Variants in RAB11FIP3 observed in about 807,000 individuals in gnomAD.
RAB11FIP3 encodes RAB11 family interacting protein 3, also known as rab11 family-interacting protein 3.
A neutral mutation model predicts 77.8 loss-of-function variants in RAB11FIP3; 17 were observed. The ratio of observed to expected loss-of-function variants is 0.22; its 90% CI spans 0.15 to 0.33. The LOEUF is 0.33. Ranked by LOEUF, RAB11FIP3 falls within the 10% of genes least tolerant of loss-of-function variation. The pLI, the probability that RAB11FIP3 is intolerant of heterozygous loss-of-function variation, is 1.00. For missense variants in RAB11FIP3, 1,005 were observed against 1,011.2 expected (o/e 0.99, Z 0.08); for synonymous variants, 437 against 448.2 (o/e 0.98, Z 0.31).
intron 5 of RAB11FIP3, among the ~76,000 whole-genome samples, chr16:493,022 A>G (rs1303713144): frequency 1.3e-5 from 2 of 152,150 alleles, no homozygotes; most frequent in African/African-American, 2.4e-5. Flanking sequence ...CTGAGGAGGC[A>G]GGCAGATCAC....
intron 9 of RAB11FIP3, among the ~76,000 whole-genome samples, chr16:511,136 C>T (rs2032134970): frequency 9.4e-6 from 1 of 106,496 alleles, no homozygotes; most frequent in Admixed American, 8.8e-5. Flanking sequence ...AACCTGCAGG[C>T]CAGGTAGGAG....
intron 5 of RAB11FIP3, among the ~76,000 whole-genome samples, chr16:489,513 TG>T (rs1198179252): frequency 6.6e-6 from 1 of 152,096 alleles, no homozygotes; most frequent in Admixed American, 6.5e-5. Flanking sequence ...GATCCGAACA[TG>T]GGGGTCTGGG....
chr16:489,204 C>T, intron 5 of RAB11FIP3: 1 of 646,244 alleles, frequency 1.5e-6, no homozygotes, highest in Non-Finnish European at 2.6e-6. Context: ...GCCACATCCC[C>T]AGATCACTCT....
intron 2 of RAB11FIP3, among the ~76,000 whole-genome samples, chr16:465,972 G>A (rs1449135661): frequency 3.3e-5 from 5 of 152,172 alleles, no homozygotes; most frequent in East Asian, 1.9e-4. Flanking sequence ...GTAACTCCAC[G>A]CATTTTGAAT....
In RAB11FIP3 at chr16:520,941, G is replaced by A. The variant is rs1028621425; in HGVS notation, c.*102G>A. 4.1e-6 allele frequency: 4 copies of A among 972,444 alleles called. No homozygotes were observed. The African/African-American group carries it at 4.8e-5, about 12-fold the overall frequency. 60.2% of individuals were successfully genotyped at this position (972,444 alleles called of 1,614,324 possible). A position where few individuals can be genotyped will look rare whatever the true frequency, so the allele number is the denominator to read the frequency against. The stretch of plus-strand genomic sequence containing the variant: ...AGACCAGCAGGTCCCACAGCCGACA[G>A]TGCCCAGAGCATGCAGGGAACCCTC... On this transcript the variant is annotated 3_prime_UTR_variant, in exon 14 of 14. Coordinates refer to ENST00000262305, the MANE Select transcript of RAB11FIP3 (RefSeq NM_014700.4).
chr16:426,030 G>T lies in RAB11FIP3; in HGVS notation c.24G>T (p.Ser8=), dbSNP rs1292728800. 5 of 993,142 alleles carry T rather than the reference G, an allele frequency of 5.0e-6. No homozygotes were observed. The East Asian group carries it at 4.4e-4, about 87-fold the overall frequency. The allele number at this position is 993,142 out of a possible 1,614,324, so 61.5% of individuals were successfully genotyped here. ...GCATGGCGTCGGCCCCGCCGGCCTC[G>T]CCCCCGGGCTCGGAGCCGCCGGGGC... MASAPPA[S]PPGSEPPGPD... The change falls in exon 1 of 14, where the codon TCG becomes TCT. Residue 8 remains serine, a synonymous_variant. Transcript: ENST00000262305. This position sits in a 1 kb window ranked among gnomAD's most constrained non-coding sequence, Gnocchi z 5.0.
intron 2 of RAB11FIP3, among the ~76,000 whole-genome samples, chr16:462,342 T>G (rs780439474): frequency 5.9e-5 from 9 of 152,160 alleles, no homozygotes; most frequent in Admixed American, 1.3e-4. Context: ...CTGCCTGAGC[T>G]GGGATTATAG....
Position 461,852 on chromosome 16 carries a change from G to A in RAB11FIP3, c.808+355G>A, listed in dbSNP as rs2055612264. On this transcript the variant is annotated intron_variant, in intron 2 of 13. Coordinates refer to ENST00000262305, the MANE Select transcript of RAB11FIP3 (RefSeq NM_014700.4). This position sits in a 1 kb window ranked among gnomAD's most constrained non-coding sequence, Gnocchi z 4.5. ...ACCCGTGCTCTGCAGGCAGCACTTC[G>A]TCGCACTCTCTCCCCACGTCTCTGT... Among the ~76,000 whole-genome samples the A allele has an allele frequency of 6.6e-6, 1 of 152,112 alleles. No individual in the cohort carries two copies. Among genetic ancestry groups the A allele is most frequent in the Non-Finnish European group, 1.5e-5 (1 of 68,032 alleles).
rs1334103180 is a variant in RAB11FIP3 at position 471,678 on chromosome 16, A to C, written c.903+289A>C. Among the ~76,000 whole-genome samples the C allele has an allele frequency of 6.6e-6, 1 of 152,180 alleles. No homozygotes were observed. Among genetic ancestry groups the C allele is most frequent in the Admixed American group, 6.5e-5 (1 of 15,278 alleles). ...ACCACCCGCTGCCAGGCTGGCAGGC[A>C]CAGGCGGAGCAGAGGGCTTGGGAGG... is the stretch of plus-strand genomic sequence containing the variant. On this transcript the variant is annotated intron_variant, in intron 3 of 13. Coordinates refer to ENST00000262305, the MANE Select transcript of RAB11FIP3 (RefSeq NM_014700.4). The surrounding 1 kb of genome is among the most constrained non-coding windows in gnomAD (Gnocchi z 4.4).
chr16:489,034 C>T, intron 5 of RAB11FIP3, 34 bp downstream of exon 5: 4 of 1,598,624 alleles, frequency 2.5e-6, no homozygotes, highest in Non-Finnish European at 3.4e-6. Context: ...ACCCTCCTCC[C>T]TCTTCTTCCC....
intron 3 of RAB11FIP3, among the ~76,000 whole-genome samples, chr16:479,118 G>A (rs771573395): frequency 1.3e-5 from 2 of 151,784 alleles, no homozygotes; most frequent in Non-Finnish European, 1.5e-5. Context: ...CAAGTTGGGT[G>A]TGGTGGCTTA....
intron 10 of RAB11FIP3, 51 bp from the exon 11 acceptor site, chr16:519,703 T>G (rs760918795): frequency 6.3e-7 from 1 of 1,590,470 alleles, no homozygotes; most frequent in Non-Finnish European, 8.6e-7. Flanking sequence ...GCAAGCTGCA[T>G]GCACAGGTAG....
intron 1 of RAB11FIP3, among the ~76,000 whole-genome samples, chr16:454,879 G>C (rs997050475): frequency 6.6e-6 from 1 of 151,730 alleles, no homozygotes; most frequent in African/African-American, 2.4e-5. Context: ...GCAAAACGAC[G>C]TCTCTACTAA....
chr16:501,097 A>G (rs1439073204), intron 6 of RAB11FIP3, among the ~76,000 whole-genome samples: 2 of 152,158 alleles, frequency 1.3e-5, no homozygotes, highest in Admixed American at 1.3e-4. Flanking sequence ...GTCTCCTCAG[A>G]GCGTTTATGG....
At chr16:454,291 G>C (rs569776453) in intron 1 of RAB11FIP3, among the ~76,000 whole-genome samples, 33 of 152,296 alleles carry the variant, frequency 2.2e-4, no homozygotes, top group African/African-American at 7.7e-4. Context: ...ATTAAAAACT[G>C]TCTCTAGCCA....
chr16:455,082 C>A (rs1353710665), intron 1 of RAB11FIP3, among the ~76,000 whole-genome samples: 1 of 136,334 alleles, frequency 7.3e-6, no homozygotes, highest in Non-Finnish European at 1.6e-5. Flanking sequence ...GGCTTTCTTT[C>A]TTTTTTTTTT....
In RAB11FIP3 at chr16:471,395, T is replaced by C. The variant is rs2055805656; in HGVS notation, c.903+6T>C. The C allele has an allele frequency of 2.5e-6, 4 of 1,602,454 alleles. No homozygotes were observed. In the South Asian group the frequency reaches 3.3e-5, roughly 13 times the overall value. ...ATGACTTCGTCACCTATGAGGCAAG[T>C]GGTTTTCACCCAGGAGCTTGGGGGA... On this transcript the variant is annotated splice_donor_region_variant and intron_variant, in intron 3 of 13. Coordinates refer to ENST00000262305, the MANE Select transcript of RAB11FIP3 (RefSeq NM_014700.4). The surrounding 1 kb of genome is among the most constrained non-coding windows in gnomAD (Gnocchi z 4.4).
At chr16:442,789 G>C (rs185419467) in intron 1 of RAB11FIP3, among the ~76,000 whole-genome samples, 2 of 152,132 alleles carry the variant, frequency 1.3e-5, no homozygotes, top group Non-Finnish European at 2.9e-5. Context: ...TCTTGTTGGC[G>C]TAACTCTCCT....
chr16:436,273 C>T (rs913818654), intron 1 of RAB11FIP3, among the ~76,000 whole-genome samples: 10 of 152,132 alleles, frequency 6.6e-5, no homozygotes, highest in Non-Finnish European at 1.3e-4. Context: ...CGCGCCACCG[C>T]ACTCCAGCCC....
Sources: allele counts gnomAD v4.1 joint callset (sites outside exome capture counted in the v4.1 genomes callset), GRCh38; gene constraint gnomAD v4.1.1; non-coding constraint Gnocchi (gnomAD v3.1); transcripts MANE v1.5; gene names NCBI Gene and HGNC (gene_info 2026-07-23, HGNC 2026-07-21).